Variants in HACD2 observed in about 807,000 individuals in gnomAD.
HACD2 encodes very-long-chain (3R)-3-hydroxyacyl-CoA dehydratase 2.
A neutral mutation model predicts 31.0 loss-of-function variants in HACD2; 15 were observed. The ratio of observed to expected loss-of-function variants is 0.48; its 90% CI spans 0.32 to 0.75. The LOEUF is 0.75. HACD2 is among the 30% of genes least tolerant of loss of function. The probability of loss-of-function intolerance (pLI) is 0.03; values close to 1 mark genes in which losing one functional copy is unlikely to be tolerated. For synonymous variants in HACD2, 115 were observed against 122.2 expected, an observed-to-expected ratio of 0.94 and a Z score of 0.39; for missense variants, 283 against 313.0, an observed-to-expected ratio of 0.90 and a Z score of 0.72.
intron 2 of HACD2, among the ~76,000 whole-genome samples, chr3:123,571,275 T>A (rs2056853460): frequency 6.6e-6 from 1 of 152,266 alleles, no homozygotes; most frequent in South Asian, 2.1e-4. Flanking sequence ...CCACAATTAC[T>A]GTTCCTTGGC....
At chr3:123,532,334 A>T (rs1203611078) in intron 3 of HACD2, among the ~76,000 whole-genome samples, 1 of 152,192 alleles carries the variant, frequency 6.6e-6, no homozygotes, top group East Asian at 1.9e-4. Context: ...TACTTCAACC[A>T]GTCACCCAGC....
intron 3 of HACD2, among the ~76,000 whole-genome samples, chr3:123,533,049 A>G (rs1203727193): frequency 6.6e-6 from 1 of 152,184 alleles, no homozygotes; most frequent in African/African-American, 2.4e-5. Flanking sequence ...TGGTAGCCAG[A>G]AACCTTCACG....
At chr3:123,576,043 A>C (rs1028864405) in intron 2 of HACD2, among the ~76,000 whole-genome samples, 1 of 152,098 alleles carries the variant, frequency 6.6e-6, no homozygotes, top group African/African-American at 2.4e-5. Flanking sequence ...CATTGGTTCT[A>C]TATATATTGT....
At chr3:123,521,426 G>A (rs1003727049) in intron 4 of HACD2, among the ~76,000 whole-genome samples, 3 of 152,124 alleles carry the variant, frequency 2.0e-5, no homozygotes, top group Non-Finnish European at 2.9e-5. Flanking sequence ...CCTCAGGACC[G>A]TAGGATATTT....
chr3:123,495,073 C>T, intron 6 of HACD2, 103 bp from the exon 7 acceptor site: 2 of 703,032 alleles, frequency 2.8e-6, no homozygotes, highest in East Asian at 5.7e-5. Flanking sequence ...TGACTAATTT[C>T]TCATCCAGCA....
intron 1 of HACD2, chr3:123,584,631 C>G (rs2057005619): frequency 2.9e-6 from 1 of 343,222 alleles, no homozygotes; most frequent in Non-Finnish European, 5.2e-6. Flanking sequence ...CGGCAGCCGT[C>G]CCCGCGCCCC....
intron 4 of HACD2, among the ~76,000 whole-genome samples, chr3:123,511,289 G>A (rs2056060164): frequency 6.6e-6 from 1 of 152,064 alleles, no homozygotes; most frequent in Non-Finnish European, 1.5e-5. Flanking sequence ...TGAACCCAAG[G>A]TATGTCTCCT....
chr3:123,534,171 C>T (rs2056398421), intron 3 of HACD2, among the ~76,000 whole-genome samples: 1 of 152,128 alleles, frequency 6.6e-6, no homozygotes, highest in Non-Finnish European at 1.5e-5. Context: ...TAGAAATCCT[C>T]CCTGCCTGGT....
chr3:123,565,721 G>A (rs138003726), intron 3 of HACD2, among the ~76,000 whole-genome samples: 140 of 152,314 alleles, frequency 9.2e-4, no homozygotes, highest in Middle Eastern at 3.4e-3. Context: ...GAGGAAGAAT[G>A]AGGCAGGGTT....
intron 3 of HACD2, among the ~76,000 whole-genome samples, chr3:123,551,628 G>GA (rs928783616): frequency 7.7e-4 from 105 of 136,352 alleles, no homozygotes; most frequent in African/African-American, 1.7e-3. Context: ...CTCAAAAAAA[G>GA]AAAAAAAAAA....
intron 6 of HACD2, 64 bp from the exon 7 acceptor site, chr3:123,495,034 A>G (rs2055815922): frequency 9.8e-7 from 1 of 1,024,428 alleles, no homozygotes; most frequent in Admixed American, 2.2e-5. Flanking sequence ...TATTTAAAGC[A>G]TATGAAGTTG....
At chr3:123,560,714 A>G (rs1355440862) in intron 3 of HACD2, among the ~76,000 whole-genome samples, 1 of 152,222 alleles carries the variant, frequency 6.6e-6, no homozygotes, top group Admixed American at 6.5e-5. Flanking sequence ...TTTGGATTAG[A>G]AACTTGTTCT....
At chr3:123,522,025 G>A (rs1301156699) in intron 4 of HACD2, among the ~76,000 whole-genome samples, 5 of 152,170 alleles carry the variant, frequency 3.3e-5, no homozygotes, top group Admixed American at 3.3e-4. Flanking sequence ...GCCCACTCTT[G>A]GCCGGTGTGG....
chr3:123,538,652 C>T (rs2056453515), intron 3 of HACD2, among the ~76,000 whole-genome samples: 1 of 152,174 alleles, frequency 6.6e-6, no homozygotes, highest in Non-Finnish European at 1.5e-5. Context: ...TCAACTTACT[C>T]AAACTCAGCT....
intron 6 of HACD2, among the ~76,000 whole-genome samples, chr3:123,496,562 G>A (rs1426234906): frequency 5.3e-5 from 8 of 152,168 alleles, no homozygotes; most frequent in East Asian, 1.9e-4. Context: ...CAGGCAGGAC[G>A]TCGTTCACAG....
chr3:123,557,667 A>G (rs963913431), intron 3 of HACD2, among the ~76,000 whole-genome samples: 92 of 152,258 alleles, frequency 6.0e-4, no homozygotes, highest in African/African-American at 2.1e-3. Flanking sequence ...ACACCTCATC[A>G]AAGAGGACCT....
chr3:123,547,760 C>T (rs960160741), intron 3 of HACD2, among the ~76,000 whole-genome samples: 2 of 152,176 alleles, frequency 1.3e-5, no homozygotes, highest in Non-Finnish European at 2.9e-5. Flanking sequence ...CTGGGCTATA[C>T]TGCTGTTCAA....
At position 123,553,559 on chromosome 3, in the gene HACD2, G is replaced by A. The variant is rs114646412; in HGVS notation, c.292+14203C>T. 2.2e-3 allele frequency among the ~76,000 whole-genome samples: 329 copies of A among 152,332 alleles called. 3 individuals are homozygous for A. The highest frequency in any genetic ancestry group is 7.6e-3 in the African/African-American group (318 of 41,584). ...CAAGCTCCTGACTGCTCTTTTCCCA[G>A]GTCATTTCTTAGGCTTGTGTTTTCA... On this transcript the variant is annotated intron_variant, in intron 3 of 6. Transcript: ENST00000383657.
chr3:123,549,237 C>T (rs1413828603), intron 3 of HACD2, among the ~76,000 whole-genome samples: 1 of 152,010 alleles, frequency 6.6e-6, no homozygotes, highest in Non-Finnish European at 1.5e-5. Flanking sequence ...TAAGAACAAG[C>T]TGTCTATTCA....
Sources: gnomAD v4.1 joint callset for allele counts (sites outside exome capture counted in the v4.1 genomes callset) on GRCh38, gnomAD v4.1.1 for gene constraint, MANE v1.5 for transcripts, NCBI Gene and HGNC (gene_info 2026-07-23, HGNC 2026-07-21) for gene names.